SGF29: variants seen among roughly 807,000 people sequenced by gnomAD.
SGF29 encodes SAGA-associated factor 29.
Under a neutral mutation model 38.1 loss-of-function variants are expected in SGF29, and 15 were observed. The ratio of observed to expected loss-of-function variants is 0.39; its 90% CI spans 0.26 to 0.61. The LOEUF (loss-of-function observed/expected upper bound fraction) is 0.61. SGF29 is among the 20% of genes least tolerant of loss of function. The pLI is 0.49. For missense variants in SGF29, 184 were observed against 394.6 expected (o/e 0.47, Z 4.52); for synonymous variants, 151 against 160.8 (o/e 0.94, Z 0.46).
intron 1 of SGF29, among the ~76,000 whole-genome samples, chr16:28,575,255 G>T (rs1475686835): frequency 1.3e-5 from 2 of 152,204 alleles, no homozygotes; most frequent in African/African-American, 4.8e-5. Context: ...ATATGACAAT[G>T]CATTGTGTAA....
In SGF29 at chr16:28,590,752, T is replaced by C. The variant is rs1033057934; in HGVS notation, c.603-21T>C. 1.9e-6 allele frequency: 3 copies of C among 1,613,950 alleles called. No homozygotes were observed. The highest frequency in any genetic ancestry group is 1.1e-5 in the South Asian group (1 of 91,076). ...GCATCCCCACCCGGCCACAGGTTGATATAAGCCCCTCTTCCCCCAGGAGAC... is the reference window on the plus strand; with the variant it reads ...GCATCCCCACCCGGCCACAGGTTGACATAAGCCCCTCTTCCCCCAGGAGAC... On this transcript the variant is annotated intron_variant, in intron 8 of 9. Transcript: ENST00000317058. This position sits in a 1 kb window ranked among gnomAD's most constrained non-coding sequence, Gnocchi z 8.2.
intron 1 of SGF29, among the ~76,000 whole-genome samples, chr16:28,575,324 C>T (rs2046886350): frequency 6.6e-6 from 1 of 152,204 alleles, no homozygotes; most frequent in Non-Finnish European, 1.5e-5. Context: ...ATATCACAAG[C>T]AGCTAAAAGA....
chr16:28,580,874 G>A (rs1003011523), intron 1 of SGF29, among the ~76,000 whole-genome samples, 181 bp from the exon 2 acceptor site: 8 of 152,100 alleles, frequency 5.3e-5, no homozygotes, highest in African/African-American at 1.9e-4. Context: ...GTAAAGACGG[G>A]GTCTCCGTGT....
intron 1 of SGF29, among the ~76,000 whole-genome samples, chr16:28,574,074 A>G (rs75211553): frequency 1.5e-3 from 233 of 152,314 alleles, no homozygotes; most frequent in African/African-American, 5.5e-3. Flanking sequence ...GTTTGCAGCA[A>G]TCTCACTTCT....
At chr16:28,571,243 C>T (rs927542507) in intron 1 of SGF29, among the ~76,000 whole-genome samples, 1 of 152,038 alleles carries the variant, frequency 6.6e-6, no homozygotes, top group East Asian at 1.9e-4. Context: ...AGAGCGATGC[C>T]GAATCTACTG....
chr16:28,573,757 T>C (rs2046878807), intron 1 of SGF29, among the ~76,000 whole-genome samples: 1 of 152,114 alleles, frequency 6.6e-6, no homozygotes. Flanking sequence ...ATAAAGTCTC[T>C]GGCTTCCCTT....
At chr16:28,581,180 C>T in intron 2 of SGF29, 36 bp downstream of exon 2, 1 of 1,591,910 alleles carries the variant, frequency 6.3e-7, no homozygotes, top group Non-Finnish European at 8.6e-7. Context: ...CAGATGGGAA[C>T]ATGGGCTTTG....
chr16:28,587,712 G>T (rs2046963001), intron 4 of SGF29, among the ~76,000 whole-genome samples: 1 of 152,218 alleles, frequency 6.6e-6, no homozygotes, highest in Non-Finnish European at 1.5e-5. Flanking sequence ...TTTCAGAAAG[G>T]CTTGCCAGAG....
At chr16:28,574,143 G>T (rs2046880607) in intron 1 of SGF29, among the ~76,000 whole-genome samples, 1 of 152,238 alleles carries the variant, frequency 6.6e-6, no homozygotes, top group African/African-American at 2.4e-5. Context: ...AAGTTTCAGA[G>T]CAGGAGTGGA....
At chr16:28,565,224 A>C (rs2046829240) in intron 1 of SGF29, among the ~76,000 whole-genome samples, 1 of 152,126 alleles carries the variant, frequency 6.6e-6, no homozygotes, top group Non-Finnish European at 1.5e-5. Flanking sequence ...TTCCTCTCCT[A>C]GTCCACTGAC....
At chr16:28,571,869 T>A (rs1015584312) in intron 1 of SGF29, among the ~76,000 whole-genome samples, 2 of 152,146 alleles carry the variant, frequency 1.3e-5, no homozygotes, top group Admixed American at 6.5e-5. Flanking sequence ...TGAGTGGTGA[T>A]TGATTGATGA....
chr16:28,579,543 A>C (rs961141616), intron 1 of SGF29, among the ~76,000 whole-genome samples: 4 of 151,084 alleles, frequency 2.6e-5, no homozygotes, highest in African/African-American at 9.7e-5. Flanking sequence ...GGCATGAGCC[A>C]CCACGCCCGG....
intron 2 of SGF29, among the ~76,000 whole-genome samples, chr16:28,582,982 C>A (rs763556892): frequency 9.9e-5 from 15 of 152,190 alleles, no homozygotes; most frequent in Non-Finnish European, 1.9e-4. Flanking sequence ...ATTACGCATT[C>A]CATTCAGTCA....
chr16:28,556,139 T>C (rs1007611232), intron 1 of SGF29, among the ~76,000 whole-genome samples: 1 of 152,210 alleles, frequency 6.6e-6, no homozygotes, highest in Non-Finnish European at 1.5e-5. Context: ...TTAATGTCTC[T>C]TTAACCAATT....
At chr16:28,564,755 G>A (rs373017817) in intron 1 of SGF29, among the ~76,000 whole-genome samples, 6,610 of 85,502 alleles carry the variant, frequency 0.077, 522 homozygotes, top group Middle Eastern at 0.2. Flanking sequence ...GTATATATAT[G>A]TATATATGTA....
chr16:28,568,838 G>T (rs572821881), intron 1 of SGF29, among the ~76,000 whole-genome samples: 1 of 152,124 alleles, frequency 6.6e-6, no homozygotes, highest in African/African-American at 2.4e-5. Context: ...GCTTGAACCC[G>T]GGAGGCAGAG....
intron 5 of SGF29, among the ~76,000 whole-genome samples, chr16:28,589,712 T>G (rs2046976204): frequency 6.6e-6 from 1 of 152,226 alleles, no homozygotes; most frequent in Non-Finnish European, 1.5e-5. Flanking sequence ...TTTTTAACTT[T>G]CTGTTGAATT....
chr16:28,560,852 T>G (rs1184306351), intron 1 of SGF29, among the ~76,000 whole-genome samples: 1 of 150,868 alleles, frequency 6.6e-6, no homozygotes, highest in Non-Finnish European at 1.5e-5. Flanking sequence ...TCCCAGCTAC[T>G]TGGGAGGCTG....
intron 4 of SGF29, 110 bp downstream of exon 4, chr16:28,585,830 T>C (rs1174718885): frequency 2.0e-6 from 2 of 1,008,814 alleles, no homozygotes. Flanking sequence ...GATAAGCTGA[T>C]TGCTACTCCC....
Sources: gnomAD v4.1 joint callset for allele counts (sites outside exome capture counted in the v4.1 genomes callset) on GRCh38, gnomAD v4.1.1 for gene constraint, Gnocchi (gnomAD v3.1) non-coding constraint, MANE v1.5 for transcripts, NCBI Gene and HGNC (gene_info 2026-07-23, HGNC 2026-07-21) for gene names.